Variants in EYA1 observed in about 807,000 individuals in gnomAD.
EYA1 encodes EYA transcriptional coactivator and phosphatase 1.
Under a neutral mutation model 82.0 loss-of-function variants are expected in EYA1, and 16 were observed. That is an observed-to-expected ratio of 0.20 (90% CI 0.13 to 0.30). EYA1 has a LOEUF of 0.30. Ranked by LOEUF, EYA1 falls within the 10% of genes least tolerant of loss-of-function variation. The pLI, the probability that EYA1 is intolerant of heterozygous loss-of-function variation, is 1.00. For missense variants in EYA1, 633 were observed against 730.7 expected (o/e 0.87, Z 1.54); for synonymous variants, 261 against 264.4 (o/e 0.99, Z 0.12).
Position 71,278,729 on chromosome 8 carries a change from C to T in EYA1, c.827-6832G>A, listed in dbSNP as rs1370780941. 9.2e-5 allele frequency among the ~76,000 whole-genome samples: 14 copies of T among 152,230 alleles called. No individual in the cohort carries two copies. In the South Asian group the frequency reaches 2.5e-3, roughly 27 times the overall value. On this transcript the variant is annotated intron_variant, in intron 9 of 17. Transcript: ENST00000340726. Reference sequence around the variant, plus strand: ...TTTATTTTTATGGAGTCTTGCTGCACGACATGAAGGCCTGGTTGGCTCCTT... The same window carrying T: ...TTTATTTTTATGGAGTCTTGCTGCATGACATGAAGGCCTGGTTGGCTCCTT...
chr8:71,483,893 C>T lies in EYA1; in HGVS notation c.33+51851G>A, dbSNP rs374979443. ...AAATTGGAGGTGGGAAACAAAGGGT[C>T]AATCAGAAGTAAAATGAGAGGGTAA... On this transcript the variant is annotated intron_variant, in intron 2 of 18. Coordinates refer to the EYA1 transcript ENST00000643681. Among the ~76,000 whole-genome samples, 7 of 152,056 alleles carry T rather than the reference C, an allele frequency of 4.6e-5. No homozygotes were observed. In the East Asian group the frequency reaches 1.3e-3, roughly 29 times the overall value.
chr8:71,521,146 A>T (rs771754849), intron 2 of EYA1, among the ~76,000 whole-genome samples: 2 of 152,176 alleles, frequency 1.3e-5, no homozygotes, highest in Non-Finnish European at 2.9e-5. Context: ...GAATATACAC[A>T]GTATGACCAA....
intron 2 of EYA1, among the ~76,000 whole-genome samples, chr8:71,374,219 A>G (rs1256071295): frequency 6.6e-6 from 1 of 152,206 alleles, no homozygotes; most frequent in Non-Finnish European, 1.5e-5. Flanking sequence ...GGGAGAAAAT[A>G]TTTACAAACC....
intron 4 of EYA1, among the ~76,000 whole-genome samples, chr8:71,324,347 G>C (rs530780501): frequency 1.3e-5 from 2 of 152,278 alleles, no homozygotes; most frequent in Non-Finnish European, 2.9e-5. Context: ...TTAAGCCTAG[G>C]TTCTGGAATC....
intron 9 of EYA1, among the ~76,000 whole-genome samples, chr8:71,298,233 G>C (rs898950521): frequency 1.3e-5 from 2 of 152,168 alleles, no homozygotes; most frequent in African/African-American, 4.8e-5. Flanking sequence ...TGTAGCAATG[G>C]AGTGGGCTTT....
At chr8:71,322,585 C>G (rs1056033965) in intron 4 of EYA1, 2 of 353,796 alleles carry the variant, frequency 5.7e-6, no homozygotes, top group African/African-American at 4.2e-5. Context: ...ACAAGGAGTC[C>G]TGGCTACTGT....
At chr8:71,437,177 A>G (rs1806075476) in intron 2 of EYA1, among the ~76,000 whole-genome samples, 1 of 151,384 alleles carries the variant, frequency 6.6e-6, no homozygotes, top group African/African-American at 2.4e-5. Flanking sequence ...TAAGCCACCA[A>G]ATTTTTGATT....
chr8:71,265,470 A>AT (rs1358693553), intron 11 of EYA1, among the ~76,000 whole-genome samples: 1 of 152,214 alleles, frequency 6.6e-6, no homozygotes, highest in Non-Finnish European at 1.5e-5. Flanking sequence ...GAATATCCAT[A>AT]TTTTTAAGAT....
chr8:71,425,453 C>G (rs1202556779), intron 2 of EYA1, among the ~76,000 whole-genome samples: 1 of 151,964 alleles, frequency 6.6e-6, no homozygotes, highest in Non-Finnish European at 1.5e-5. Context: ...ATTTTTTTAA[C>G]CAAGCCTATG....
intron 4 of EYA1, among the ~76,000 whole-genome samples, chr8:71,331,001 C>T (rs935223068): frequency 3.9e-5 from 6 of 151,948 alleles, no homozygotes; most frequent in Admixed American, 2.6e-4. Flanking sequence ...GAGGCCGAGG[C>T]GAGTGGATTA....
intron 2 of EYA1, among the ~76,000 whole-genome samples, chr8:71,463,238 A>G (rs541203476): frequency 6.6e-6 from 1 of 152,180 alleles, no homozygotes; most frequent in African/African-American, 2.4e-5. Flanking sequence ...CTAAAGGTAC[A>G]TGGTTTTCTC....
At position 71,356,515 on chromosome 8, in the gene EYA1, T is replaced by A; in HGVS notation, c.-54-4A>T. ...AACTGGCTTGAGATGTTTGCACCTG[T>A]GATCAGGGGTAAAAAAATTAGAAGA... is the stretch of plus-strand genomic sequence containing the variant. On this transcript the variant is annotated splice_region_variant and splice_polypyrimidine_tract_variant and intron_variant, in intron 1 of 17. Coordinates refer to ENST00000340726, the MANE Select transcript of EYA1 (RefSeq NM_000503.6). 1.3e-6 allele frequency: 2 copies of A among 1,569,310 alleles called. No homozygotes were observed. Among genetic ancestry groups the A allele is most frequent in the South Asian group, 2.4e-5 (2 of 84,812 alleles).
chr8:71,236,072 A>T (rs541439284), intron 12 of EYA1, among the ~76,000 whole-genome samples: 161 of 151,928 alleles, frequency 1.1e-3, no homozygotes, highest in African/African-American at 3.6e-3. Context: ...AAATAGTCTC[A>T]CTCTGTCACT....
intron 17 of EYA1, among the ~76,000 whole-genome samples, chr8:71,207,156 T>C (rs568648788): frequency 6.6e-6 from 1 of 152,214 alleles, no homozygotes; most frequent in South Asian, 2.1e-4. Context: ...AAAAATGAGA[T>C]GTTGTTGAAC....
At position 71,317,142 on chromosome 8, in the gene EYA1, T is replaced by C. The variant is rs547073123; in HGVS notation, c.556+410A>G. Among the ~76,000 whole-genome samples, 38 of 152,292 alleles carry C rather than the reference T, an allele frequency of 2.5e-4. No homozygotes were observed. The Middle Eastern group carries it at 0.014, about 55-fold the overall frequency. ...TCACTCCCCAAGCTTCACTTCATAA[T>C]GAAAATAAAGAATACAGCCCTTTTG... On this transcript the variant is annotated intron_variant, in intron 7 of 17. Transcript: ENST00000340726.
intron 2 of EYA1, among the ~76,000 whole-genome samples, chr8:71,373,460 T>C (rs1828195793): frequency 6.6e-6 from 1 of 152,116 alleles, no homozygotes; most frequent in African/African-American, 2.4e-5. Context: ...TTGAAAATTA[T>C]ATGAAACATT....
chr8:71,310,489 C>G (rs930220137), intron 7 of EYA1, among the ~76,000 whole-genome samples: 1 of 152,120 alleles, frequency 6.6e-6, no homozygotes, highest in Non-Finnish European at 1.5e-5. Flanking sequence ...ATTTAGCTCC[C>G]ACTTATAGGT....
intron 2 of EYA1, among the ~76,000 whole-genome samples, chr8:71,448,025 T>TTTTTTTTTTTTTTTTAGGTACCGGAG (rs935912194): frequency 8.6e-6 from 1 of 116,736 alleles, no homozygotes; most frequent in African/African-American, 3.4e-5. Flanking sequence ...TTTTTTTTTT[T>TTTTTTTTTTTTTTTTAGGTACCGGAG]TCTCGCTCCG....
chr8:71,271,799 T>C lies in EYA1; in HGVS notation c.925A>G (p.Arg309Gly). 1 of 1,614,208 alleles carries C rather than the reference T, an allele frequency of 6.2e-7. No individual in the cohort carries two copies. Among genetic ancestry groups the C allele is most frequent in the Non-Finnish European group, 8.5e-7 (1 of 1,180,038 alleles). The part of the protein sequence containing the change: ...SDGKSRGRGR[R>G]NNNPSPPPDS... ...GGGGGAGGTGAAGGATTATTGTTTCTTCGGCCCCGTCCACGTGATTTCCCA... is the reference window on the plus strand; with the variant it reads ...GGGGGAGGTGAAGGATTATTGTTTCCTCGGCCCCGTCCACGTGATTTCCCA... Residue 309 changes from arginine to glycine, a missense_variant, in exon 10 of 18, where the codon AGA (arginine) becomes GGA (glycine). Coordinates refer to ENST00000340726, the MANE Select transcript of EYA1 (RefSeq NM_000503.6).
Sources: allele counts gnomAD v4.1 joint callset (sites outside exome capture counted in the v4.1 genomes callset), GRCh38; gene constraint gnomAD v4.1.1; transcripts MANE v1.5; gene names NCBI Gene and HGNC (gene_info 2026-07-23, HGNC 2026-07-21).